The following CPM variants were observed in gnomAD, a reference collection of about 807,000 sequenced individuals.
CPM encodes renal carboxypeptidase.
Under a neutral mutation model 46.4 loss-of-function variants are expected in CPM, and 35 were observed. That is an observed-to-expected ratio of 0.75 (90% CI 0.58 to 1.00). The LOEUF (loss-of-function observed/expected upper bound fraction) is 1.00, where lower values mean the gene tolerates loss of function less well. CPM is among the 50% of genes least tolerant of loss of function. The pLI is 0.00. For missense variants in CPM, 422 were observed against 530.4 expected (o/e 0.80, Z 2.01); for synonymous variants, 195 against 195.3 (o/e 1.00, Z 0.01).
At chr12:68,871,624 G>T in intron 4 of CPM, 160 bp downstream of exon 4, 1 of 743,184 alleles carries the variant, frequency 1.3e-6, no homozygotes, top group Non-Finnish European at 2.2e-6. Context: ...CAAGCCGGAG[G>T]CAGCCCTGAT....
intron 2 of CPM, among the ~76,000 whole-genome samples, chr12:68,917,875 T>C (rs1370299371): frequency 3.3e-5 from 5 of 152,208 alleles, no homozygotes; most frequent in East Asian, 3.8e-4. Context: ...CATATGTCTC[T>C]GCAGTTTACA....
chr12:68,932,582 G>T, intron 2 of CPM, 96 bp downstream of exon 2: 1 of 1,405,766 alleles, frequency 7.1e-7, no homozygotes, highest in Non-Finnish European at 9.9e-7. Flanking sequence ...CTCAGAGTAG[G>T]TGCGTGGAAG....
intron 2 of CPM, chr12:68,913,803 C>A: frequency 3.3e-6 from 2 of 607,040 alleles, no homozygotes; most frequent in South Asian, 1.4e-5. Flanking sequence ...AAAAGTTAAT[C>A]CATCTCAGCA....
chr12:68,890,354 C>A (rs992382010), intron 2 of CPM, among the ~76,000 whole-genome samples: 1 of 149,546 alleles, frequency 6.7e-6, no homozygotes, highest in Non-Finnish European at 1.5e-5. Flanking sequence ...TCCATCTTTC[C>A]AGTTTTTTTA....
At chr12:68,933,024 G>C in intron 1 of CPM, 118 bp downstream of exon 1, 2 of 543,980 alleles carry the variant, frequency 3.7e-6, no homozygotes, top group South Asian at 2.4e-5. Context: ...CCGGGAGCAC[G>C]GGCAGCCTCG....
intron 3 of CPM, among the ~76,000 whole-genome samples, chr12:68,879,193 TA>T (rs1010824762): frequency 3.3e-5 from 5 of 152,022 alleles, no homozygotes; most frequent in Non-Finnish European, 7.4e-5. Context: ...AACTCTAAAA[TA>T]AAAAATAATT....
intron 2 of CPM, among the ~76,000 whole-genome samples, chr12:68,886,305 C>T (rs1481122940): frequency 8.0e-6 from 1 of 124,798 alleles, no homozygotes; most frequent in African/African-American, 2.8e-5. Flanking sequence ...TCATAACTCG[C>T]AGTACAAGGA....
chr12:68,870,511 G>A (rs1885647612), intron 4 of CPM, 112 bp from the exon 5 acceptor site: 2 of 907,002 alleles, frequency 2.2e-6, no homozygotes, highest in Admixed American at 2.6e-5. Flanking sequence ...CGTGAGTATG[G>A]GTGTGGTGGA....
intron 3 of CPM, among the ~76,000 whole-genome samples, chr12:68,873,815 T>C (rs1486201010): frequency 1.3e-5 from 2 of 151,098 alleles, no homozygotes; most frequent in East Asian, 3.9e-4. Flanking sequence ...TTCCACTACC[T>C]TTTTTTTTGA....
At chr12:68,949,997 G>A (rs775539446) in intron 1 of CPM, among the ~76,000 whole-genome samples, 1 of 151,784 alleles carries the variant, frequency 6.6e-6, no homozygotes, top group Non-Finnish European at 1.5e-5. Context: ...TGAAGATTAT[G>A]CACCTGTGCC....
intron 3 of CPM, among the ~76,000 whole-genome samples, chr12:68,874,538 C>A (rs376794038): frequency 6.6e-6 from 1 of 152,112 alleles, no homozygotes; most frequent in South Asian, 2.1e-4. Flanking sequence ...ATCGCTTGAA[C>A]CTAGGAGGCG....
chr12:68,925,861 T>TA (rs1483885999), intron 2 of CPM, among the ~76,000 whole-genome samples: 23 of 152,208 alleles, frequency 1.5e-4, no homozygotes, highest in Admixed American at 7.2e-4. Context: ...TTTAATCTTC[T>TA]GCTAGTTACA....
chr12:68,883,565 C>T (rs1450900309), intron 3 of CPM, among the ~76,000 whole-genome samples: 1 of 152,126 alleles, frequency 6.6e-6, no homozygotes, highest in Admixed American at 6.5e-5. Flanking sequence ...CTCAAAGAAT[C>T]AGAGCGCACT....
At chr12:68,883,096 C>T (rs917397807) in intron 3 of CPM, among the ~76,000 whole-genome samples, 4 of 152,214 alleles carry the variant, frequency 2.6e-5, no homozygotes, top group African/African-American at 9.6e-5. Flanking sequence ...CCCTGCCACT[C>T]AGTGTGTATG....
At chr12:68,918,167 T>G (rs540362105) in intron 2 of CPM, among the ~76,000 whole-genome samples, 1 of 152,258 alleles carries the variant, frequency 6.6e-6, no homozygotes, top group African/African-American at 2.4e-5. Context: ...CACTCTTAAT[T>G]TTCCTTCTAC....
At chr12:68,933,597 G>A (rs1393502388), upstream of CPM, among the ~76,000 whole-genome samples, 1 of 152,092 alleles carries the variant, frequency 6.6e-6, no homozygotes, top group Non-Finnish European at 1.5e-5. Flanking sequence ...CCCACCTGGA[G>A]CCGGGACGCA....
intron 2 of CPM, among the ~76,000 whole-genome samples, chr12:68,932,116 TA>T (rs1311958150): frequency 6.6e-6 from 1 of 152,242 alleles, no homozygotes; most frequent in African/African-American, 2.4e-5. Flanking sequence ...GCCATAGGGC[TA>T]ATTATACACG....
intron 2 of CPM, among the ~76,000 whole-genome samples, chr12:68,888,955 AG>A (rs1886543246): frequency 6.6e-6 from 1 of 152,266 alleles, no homozygotes; most frequent in African/African-American, 2.4e-5. Context: ...AGAAAGAAGA[AG>A]GAGAAGCTTG....
At chr12:68,896,804 T>C (rs982475330) in intron 2 of CPM, among the ~76,000 whole-genome samples, 1 of 152,176 alleles carries the variant, frequency 6.6e-6, no homozygotes, top group Admixed American at 6.5e-5. Flanking sequence ...TTTGATATTA[T>C]ACCCAAGAAA....
Sources: gnomAD v4.1 joint callset for allele counts (sites outside exome capture counted in the v4.1 genomes callset) on GRCh38, gnomAD v4.1.1 for gene constraint, MANE v1.5 for transcripts, NCBI Gene and HGNC (gene_info 2026-07-23, HGNC 2026-07-21) for gene names.